The following SPATS2 variants were observed in gnomAD, a reference collection of about 807,000 sequenced individuals.
The protein encoded by SPATS2 is spermatogenesis-associated serine-rich protein 2.
In SPATS2, 38 loss-of-function variants were observed where a neutral mutation model predicts 63.7. That is an observed-to-expected ratio of 0.60 (90% CI 0.46 to 0.78). The LOEUF (loss-of-function observed/expected upper bound fraction) is 0.78. SPATS2 is among the 30% of genes least tolerant of loss of function. SPATS2 has a pLI of 0.00. For missense variants in SPATS2, 588 were observed against 666.2 expected (o/e 0.88, Z 1.29); for synonymous variants, 207 against 232.9 (o/e 0.89, Z 1.01).
At chr12:49,462,839 C>G (rs1284830371) in intron 3 of SPATS2, 4 of 236,272 alleles carry the variant, frequency 1.7e-5, no homozygotes, top group Non-Finnish European at 3.3e-5. Flanking sequence ...GCTAGTTCTC[C>G]TCTCTGCCAG....
chr12:49,458,883 A>C (rs971068418), intron 2 of SPATS2, among the ~76,000 whole-genome samples: 2 of 152,330 alleles, frequency 1.3e-5, no homozygotes, highest in African/African-American at 4.8e-5. Flanking sequence ...GCTTCCTGCA[A>C]TATGGACTAA....
intron 2 of SPATS2, among the ~76,000 whole-genome samples, chr12:49,454,559 A>T (rs866942994): frequency 1.3e-5 from 2 of 152,306 alleles, no homozygotes; most frequent in Middle Eastern, 6.8e-3. Context: ...AAGCTTCAGG[A>T]TTGAGAGACA....
chr12:49,497,762 C>G (rs921316554), intron 8 of SPATS2, among the ~76,000 whole-genome samples: 1 of 151,952 alleles, frequency 6.6e-6, no homozygotes, highest in South Asian at 2.1e-4. Context: ...AGCTAGAGTC[C>G]TCTGACAGAC....
intron 2 of SPATS2, chr12:49,389,632 A>G (rs1196957694): frequency 8.5e-7 from 1 of 1,182,044 alleles, no homozygotes; most frequent in Non-Finnish European, 1.3e-6. Context: ...TCAATAAGCG[A>G]GTAGAAGCCA....
intron 9 of SPATS2, among the ~76,000 whole-genome samples, chr12:49,503,218 C>T (rs1031386668): frequency 2.6e-5 from 4 of 151,928 alleles, no homozygotes; most frequent in South Asian, 2.1e-4. Context: ...GGCGTGGTGG[C>T]GTGCACCTGT....
At chr12:49,380,787 T>C (rs1179392046) in intron 2 of SPATS2, among the ~76,000 whole-genome samples, 1 of 152,118 alleles carries the variant, frequency 6.6e-6, no homozygotes, top group East Asian at 1.9e-4. Flanking sequence ...AGAAGGTTAC[T>C]GTGAACATTC....
intron 2 of SPATS2, among the ~76,000 whole-genome samples, chr12:49,452,367 C>T (rs1342396683): frequency 6.6e-6 from 1 of 152,198 alleles, no homozygotes; most frequent in South Asian, 2.1e-4. Context: ...GCAACCTTGA[C>T]CTTCTGAGCT....
At chr12:49,496,692 T>G in intron 7 of SPATS2, 141 bp from the exon 8 acceptor site, 1 of 817,646 alleles carries the variant, frequency 1.2e-6, no homozygotes, top group Non-Finnish European at 1.9e-6. Context: ...CTTTGTTCTA[T>G]TGTTTCAGTT....
In SPATS2 at chr12:49,526,284, A is replaced by T; in HGVS notation, c.*29A>T. The T allele has an allele frequency of 3.8e-6, 6 of 1,562,206 alleles. No homozygotes were observed. The highest frequency in any genetic ancestry group is 5.2e-6 in the Non-Finnish European group (6 of 1,156,622). On this transcript the variant is annotated 3_prime_UTR_variant, in exon 14 of 14. Coordinates refer to ENST00000552918, the MANE Select transcript of SPATS2 (RefSeq NM_023071.4). ...AAAATCCAGTTGGCCTCTCTCCTCT[A>T]TCCACACAATTCAACTTGATAACTG...
At position 49,525,008 on chromosome 12, in the gene SPATS2, G is replaced by A. The variant is rs766047651; in HGVS notation, c.1326+112G>A. 48 of 1,071,740 alleles carry A rather than the reference G, an allele frequency of 4.5e-5. 1 individual carries two copies. The highest frequency in any genetic ancestry group is 6.3e-5 in the South Asian group (4 of 63,550). 66.4% of individuals were successfully genotyped at this position (1,071,740 alleles called of 1,614,324 possible). Reference sequence around the variant, plus strand: ...TCCTCTCTATTCCCATTCCATGCCTGTTTTGAATCCCTCCAACCCAAGTTA... The same window carrying A: ...TCCTCTCTATTCCCATTCCATGCCTATTTTGAATCCCTCCAACCCAAGTTA... On this transcript the variant is annotated intron_variant, in intron 13 of 13. Transcript: ENST00000552918.
intron 3 of SPATS2, among the ~76,000 whole-genome samples, chr12:49,481,674 G>T (rs1366852227): frequency 6.6e-6 from 1 of 151,748 alleles, no homozygotes; most frequent in Non-Finnish European, 1.5e-5. Context: ...CACCATGTTT[G>T]CTGATCTCGA....
intron 6 of SPATS2, 79 bp from the exon 7 acceptor site, chr12:49,494,662 T>C: frequency 7.4e-7 from 1 of 1,352,050 alleles, no homozygotes; most frequent in Non-Finnish European, 9.8e-7. Flanking sequence ...TACCTTTGGG[T>C]AGCTAGAGTT....
At chr12:49,482,095 G>A (rs1946216616) in intron 3 of SPATS2, among the ~76,000 whole-genome samples, 1 of 152,228 alleles carries the variant, frequency 6.6e-6, no homozygotes, top group South Asian at 2.1e-4. Context: ...TACTTGAGGT[G>A]TTGGTTTAAG....
At chr12:49,499,193 G>A (rs1417504174) in intron 8 of SPATS2, among the ~76,000 whole-genome samples, 1 of 152,024 alleles carries the variant, frequency 6.6e-6, no homozygotes. Flanking sequence ...CTTACTTATA[G>A]GTCATATTTT....
chr12:49,506,854 T>A (rs534729029), intron 9 of SPATS2, among the ~76,000 whole-genome samples: 25 of 151,284 alleles, frequency 1.7e-4, no homozygotes, highest in Non-Finnish European at 2.7e-4. Flanking sequence ...AAAAAAAAAA[T>A]TTCGATTTAC....
At chr12:49,504,770 C>CTTTCTTTTT (rs1220484266) in intron 9 of SPATS2, among the ~76,000 whole-genome samples, 38 of 98,848 alleles carry the variant, frequency 3.8e-4, no homozygotes, top group Non-Finnish European at 5.7e-4. Flanking sequence ...TTCTTTCTTT[C>CTTTCTTTTT]TTTTTTTTTT....
chr12:49,449,291 C>CAGTGTCTAGCAGAATGAAGCACTCATTAA (rs1945574230), intron 2 of SPATS2, among the ~76,000 whole-genome samples: 1 of 152,246 alleles, frequency 6.6e-6, no homozygotes. Context: ...TCTCAGCTCA[C>CAGTGTCTAGCAGAATGAAGCACTCATTAA]TGCAACCTCC....
chr12:49,487,674 T>C (rs1946317825), intron 4 of SPATS2, among the ~76,000 whole-genome samples: 1 of 152,162 alleles, frequency 6.6e-6, no homozygotes, highest in African/African-American at 2.4e-5. Flanking sequence ...CTCAGCTCAC[T>C]GCAGCCTCAA....
At chr12:49,416,490 T>TATTTTA (rs1329155761) in intron 2 of SPATS2, among the ~76,000 whole-genome samples, 8 of 151,982 alleles carry the variant, frequency 5.3e-5, no homozygotes, top group Non-Finnish European at 1.0e-4. Flanking sequence ...TATTTTATTT[T>TATTTTA]ATTTTATTTT....
Sources: allele counts gnomAD v4.1 joint callset (sites outside exome capture counted in the v4.1 genomes callset), GRCh38; gene constraint gnomAD v4.1.1; transcripts MANE v1.5; gene names NCBI Gene and HGNC (gene_info 2026-07-23, HGNC 2026-07-21).